The following RIPOR3 variants were observed in gnomAD, a reference collection of about 807,000 sequenced individuals.
RIPOR3 encodes family with sequence similarity 65 member C.
Under a neutral mutation model 114.3 loss-of-function variants are expected in RIPOR3, and 95 were observed. The observed-to-expected ratio is 0.83, with a 90% CI of 0.70 to 0.99. The LOEUF (loss-of-function observed/expected upper bound fraction) is 0.99, where lower values mean the gene tolerates loss of function less well. Among genes scored for constraint, RIPOR3 ranks in the 50% least tolerant of loss-of-function variants. The pLI is 0.00. For missense variants in RIPOR3, 1,252 were observed against 1,266.9 expected (o/e 0.99, Z 0.18); for synonymous variants, 575 against 543.8 (o/e 1.06, Z -0.80).
At chr20:50,642,466 T>A (rs926750683) in intron 1 of RIPOR3, among the ~76,000 whole-genome samples, 1 of 151,844 alleles carries the variant, frequency 6.6e-6, no homozygotes, top group Non-Finnish European at 1.5e-5. Flanking sequence ...GTTTTACAAT[T>A]TGGAAACTGC....
intron 1 of RIPOR3, among the ~76,000 whole-genome samples, chr20:50,641,875 C>T (rs2085210011): frequency 1.3e-5 from 2 of 152,216 alleles, no homozygotes; most frequent in Non-Finnish European, 2.9e-5. Context: ...CTTACTTAAC[C>T]CTCCCAATGC....
chr20:50,664,420 T>G (rs1387377799), intron 1 of RIPOR3, among the ~76,000 whole-genome samples: 3 of 152,236 alleles, frequency 2.0e-5, no homozygotes. Context: ...GTCGCACTGT[T>G]GGCTTTGCTC....
chr20:50,653,783 G>T lies in RIPOR3; in HGVS notation c.4-22927C>A, dbSNP rs977947613. 2.0e-5 allele frequency among the ~76,000 whole-genome samples: 3 copies of T among 151,956 alleles called. No individual in the cohort carries two copies. In the East Asian group the frequency reaches 5.8e-4, roughly 29 times the overall value. ...TTTTGAATTTTTTTGTAGAGACAGG[G>T]TTTTGCCATGTTGCCCAGGCTGGTC... On this transcript the variant is annotated intron_variant, in intron 1 of 21. Transcript: ENST00000327979.
At chr20:50,637,746 G>A (rs1371707345) in intron 1 of RIPOR3, among the ~76,000 whole-genome samples, 1 of 151,996 alleles carries the variant, frequency 6.6e-6, no homozygotes, top group Non-Finnish European at 1.5e-5. Context: ...GTAGTGGCGG[G>A]CTCCTGTAAT....
chr20:50,608,764 CGTCAGCCCAGGTGGGTGTCCCCTTGCT>C (rs746655355), intron 9 of RIPOR3, 26 bp from the exon 10 acceptor site: 2 of 1,613,320 alleles, frequency 1.2e-6, no homozygotes, highest in Admixed American at 1.7e-5. Context: ...AGAGGGGCCG[CGTCAGCCCAGGTGGGTGTCCCCTTGCT>C]GTCCGCCCAG....
chr20:50,621,823 G>C (rs1241335672), intron 2 of RIPOR3, among the ~76,000 whole-genome samples: 1 of 152,210 alleles, frequency 6.6e-6, no homozygotes, highest in Non-Finnish European at 1.5e-5. Flanking sequence ...AAGCCAGCTG[G>C]AGTTGGGAGT....
chr20:50,638,466 A>AT (rs2085068294), intron 1 of RIPOR3, among the ~76,000 whole-genome samples: 1 of 152,184 alleles, frequency 6.6e-6, no homozygotes, highest in East Asian at 1.9e-4. Context: ...ATTTCTTTGA[A>AT]TTATCCAGAG....
At chr20:50,661,714 G>A (rs1424939815) in intron 1 of RIPOR3, among the ~76,000 whole-genome samples, 1 of 152,176 alleles carries the variant, frequency 6.6e-6, no homozygotes, top group Non-Finnish European at 1.5e-5. Context: ...CCGGACAAAG[G>A]GTGAAGCCAG....
chr20:50,594,647 C>T lies in RIPOR3; in HGVS notation c.2118G>A (p.Arg706=). 1 of 1,613,692 alleles carries T rather than the reference C, an allele frequency of 6.2e-7. No individual in the cohort carries two copies. Residue 706 remains arginine, a synonymous_variant, in exon 17 of 22, where the codon AGG becomes AGA. Transcript: ENST00000327979. Reference sequence around the variant, plus strand: ...GCGTCGTGGCAGGGCAGGACAGGACCCTGCCAGGCCCTGTGCACCCTCTCC... The same window carrying T: ...GCGTCGTGGCAGGGCAGGACAGGACTCTGCCAGGCCCTGTGCACCCTCTCC... ...KLWRGCTGPG[R]VLSCPATTLL...
intron 1 of RIPOR3, among the ~76,000 whole-genome samples, chr20:50,689,279 G>A (rs1276012486): frequency 3.4e-5 from 5 of 149,100 alleles, no homozygotes. Flanking sequence ...CAGTTCAAGT[G>A]ATTCTCCTGC....
chr20:50,690,758 T>C (rs1458731472), intron 1 of RIPOR3, among the ~76,000 whole-genome samples: 2 of 152,126 alleles, frequency 1.3e-5, no homozygotes. Flanking sequence ...CCAATAATAC[T>C]TACCCTGCAG....
chr20:50,673,698 C>T (rs1178178537), intron 1 of RIPOR3, among the ~76,000 whole-genome samples: 1 of 152,186 alleles, frequency 6.6e-6, no homozygotes, highest in Non-Finnish European at 1.5e-5. Context: ...GGCAGCGTGA[C>T]CGTTTGCCCC....
intron 20 of RIPOR3, among the ~76,000 whole-genome samples, chr20:50,588,755 AAAAAAAAAAAAAAG>A (rs1358934096): frequency 4.0e-5 from 6 of 150,830 alleles, no homozygotes; most frequent in African/African-American, 1.5e-4. Context: ...AAGTGAAAAA[AAAAAAAAAAAAAAG>A]AAAAAAAACA....
At chr20:50,595,006 G>C (rs2083240104) in intron 16 of RIPOR3, 12 of 496,814 alleles carry the variant, frequency 2.4e-5, no homozygotes, top group Non-Finnish European at 4.4e-5. Flanking sequence ...ACGGGGCAGA[G>C]GCACAGCTGG....
chr20:50,636,342 C>G (rs1196749961), intron 1 of RIPOR3, among the ~76,000 whole-genome samples: 6 of 152,212 alleles, frequency 3.9e-5, no homozygotes, highest in Non-Finnish European at 8.8e-5. Context: ...GTCTTGAAGA[C>G]CCTGTCCCCT....
rs144000733 is a variant in RIPOR3 at position 50,654,610 on chromosome 20, C to A, written c.4-23754G>T. The stretch of plus-strand genomic sequence containing the variant: ...ACATAGGAGGCACTCAGCAAACATC[C>A]ATGAACGAATGAATGAATCTGTATC... On this transcript the variant is annotated intron_variant, in intron 1 of 21. Transcript: ENST00000327979. 3.4e-4 allele frequency among the ~76,000 whole-genome samples: 51 copies of A among 152,088 alleles called. 2 individuals are homozygous for A. The East Asian group carries it at 4.4e-3, about 13-fold the overall frequency.
chr20:50,626,780 G>C (rs2123216871), intron 2 of RIPOR3, among the ~76,000 whole-genome samples: 1 of 152,324 alleles, frequency 6.6e-6, no homozygotes, highest in Non-Finnish European at 1.5e-5. Flanking sequence ...CCAGCAGTTT[G>C]GGAGGCCGAG....
At position 50,676,547 on chromosome 20, in the gene RIPOR3, G is replaced by A. The variant is rs2086682719; in HGVS notation, c.3+14579C>T. Among the ~76,000 whole-genome samples, 3 of 152,182 alleles carry A rather than the reference G, an allele frequency of 2.0e-5. No individual in the cohort carries two copies. In the South Asian group the frequency reaches 6.2e-4, roughly 32 times the overall value. On this transcript the variant is annotated intron_variant, in intron 1 of 21. Transcript: ENST00000327979. Reference sequence around the variant, plus strand: ...CATGCCTGTGGTCCCAGCTACTCTGGAGGCTGAGGTAGGAGGATCACTTGA... The same window carrying A: ...CATGCCTGTGGTCCCAGCTACTCTGAAGGCTGAGGTAGGAGGATCACTTGA...
chr20:50,619,440 C>CA (rs11483233), intron 3 of RIPOR3, among the ~76,000 whole-genome samples: 26,711 of 96,114 alleles, frequency 0.28, 5,018 homozygotes, highest in African/African-American at 0.57. Context: ...GACTCCATCT[C>CA]AAAAAAAAAA....
Sources: allele counts gnomAD v4.1 joint callset (sites outside exome capture counted in the v4.1 genomes callset), GRCh38; gene constraint gnomAD v4.1.1; transcripts MANE v1.5; gene names NCBI Gene and HGNC (gene_info 2026-07-23, HGNC 2026-07-21).